NSD3: variants seen among roughly 807,000 people sequenced by gnomAD.
NSD3 encodes histone-lysine N-methyltransferase NSD3.
NSD3 carries 24 observed loss-of-function variants against 160.8 expected under a neutral mutation model. The ratio of observed to expected loss-of-function variants is 0.15; its 90% CI spans 0.11 to 0.21. NSD3 has a LOEUF of 0.21. NSD3 is among the 10% of genes least tolerant of loss of function. The probability of loss-of-function intolerance (pLI) is 1.00; values close to 1 mark genes in which losing one functional copy is unlikely to be tolerated. For synonymous variants in NSD3, 520 were observed against 600.0 expected (o/e 0.87, Z 1.95); for missense variants, 1,157 against 1,735.9 (o/e 0.67, Z 5.93).
intron 19 of NSD3, among the ~76,000 whole-genome samples, chr8:38,286,648 T>C (rs1158056474): frequency 6.6e-6 from 1 of 152,202 alleles, no homozygotes; most frequent in African/African-American, 2.4e-5. Flanking sequence ...ATCCTCCAGA[T>C]GTTCCCCATC....
At chr8:38,365,961 ATG>A (rs1355874533) in intron 1 of NSD3, among the ~76,000 whole-genome samples, 1 of 152,058 alleles carries the variant, frequency 6.6e-6, no homozygotes, top group Admixed American at 6.5e-5. Context: ...CTTAAATGTT[ATG>A]TAAACATAAC....
intron 1 of NSD3, among the ~76,000 whole-genome samples, chr8:38,356,270 C>CA (rs527806823): frequency 4.6e-5 from 7 of 151,344 alleles, no homozygotes; most frequent in Admixed American, 1.3e-4. Context: ...TTTAAATAAG[C>CA]AAAAAAAAGT....
chr8:38,294,061 G>A (rs1809073956), intron 16 of NSD3, among the ~76,000 whole-genome samples: 1 of 150,614 alleles, frequency 6.6e-6, no homozygotes, highest in Non-Finnish European at 1.5e-5. Flanking sequence ...GCCTCAAAAT[G>A]TAGAGTTTTT....
At position 38,316,618 on chromosome 8, in the gene NSD3, T is replaced by G. The variant is rs1050501219; in HGVS notation, c.1856-576A>C. 1 of 1,053,114 alleles carries G rather than the reference T, an allele frequency of 9.5e-7. No individual in the cohort carries two copies. Among genetic ancestry groups the G allele is most frequent in the African/African-American group, 1.7e-5 (1 of 60,310 alleles). The allele number at this position is 1,053,114 out of a possible 1,614,324, so 65.2% of individuals were successfully genotyped here. ...TTCCTTGGTGAAGTGGCATTTATTG[T>G]GACCATTAACAAGCGCTGCAGCACA... On this transcript the variant is annotated intron_variant, in intron 9 of 23. Coordinates refer to ENST00000317025, the MANE Select transcript of NSD3 (RefSeq NM_023034.2). The surrounding 1 kb of genome is among the most constrained non-coding windows in gnomAD (Gnocchi z 4.5).
At chr8:38,287,896 C>A (rs1015869686) in intron 19 of NSD3, among the ~76,000 whole-genome samples, 22 of 152,128 alleles carry the variant, frequency 1.4e-4, no homozygotes, top group Non-Finnish European at 2.8e-4. Flanking sequence ...TCGGCTGTGA[C>A]CACTGTGCCC....
Position 38,317,785 on chromosome 8 carries a change from T to G in NSD3, c.1855+1110A>C. 1 of 1,431,224 alleles carries G rather than the reference T, an allele frequency of 7.0e-7. No homozygotes were observed. Among genetic ancestry groups the G allele is most frequent in the Non-Finnish European group, 9.1e-7 (1 of 1,097,126 alleles). 88.7% of individuals were successfully genotyped at this position (1,431,224 alleles called of 1,614,324 possible). A position where few individuals can be genotyped will look rare whatever the true frequency, so the allele number is the denominator to read the frequency against. ...CGAAAAAAAAAAATCATTTGACTGT[T>G]AAAGCAATTGTTCAGAGTCTTGAAG... On this transcript the variant is annotated intron_variant, in intron 9 of 23. Transcript: ENST00000317025. The surrounding 1 kb of genome is among the most constrained non-coding windows in gnomAD (Gnocchi z 5.3).
chr8:38,334,072 GCAT>G (rs1345375285), intron 4 of NSD3, among the ~76,000 whole-genome samples: 1 of 152,166 alleles, frequency 6.6e-6, no homozygotes, highest in Non-Finnish European at 1.5e-5. Context: ...TGCTTAATAG[GCAT>G]CATGCGTGGA....
chr8:38,318,077 A>T lies in NSD3; in HGVS notation c.1855+818T>A. On this transcript the variant is annotated intron_variant, in intron 9 of 23. Transcript: ENST00000317025. This position sits in a 1 kb window ranked among gnomAD's most constrained non-coding sequence, Gnocchi z 5.3. The stretch of plus-strand genomic sequence containing the variant: ...GAAACACAACGCAATCAGGCCTCCT[A>T]ATCTCGCAGCGATCGCGATGTCTTT... 1 of 1,612,706 alleles carries T rather than the reference A, an allele frequency of 6.2e-7. No homozygotes were observed. Among genetic ancestry groups the T allele is most frequent in the African/African-American group, 1.3e-5 (1 of 74,984 alleles).
At chr8:38,377,381 C>G (rs1811420448) in intron 1 of NSD3, among the ~76,000 whole-genome samples, 2 of 152,062 alleles carry the variant, frequency 1.3e-5, no homozygotes, top group Admixed American at 1.3e-4. Flanking sequence ...CGGAATCTCG[C>G]TCTGTCATTC....
intron 17 of NSD3, 100 bp from the exon 18 acceptor site, chr8:38,289,605 C>A: frequency 9.3e-7 from 1 of 1,080,952 alleles, no homozygotes; most frequent in South Asian, 1.5e-5. Context: ...TGCATCTGGC[C>A]TGAGATTTTT....
intron 1 of NSD3, among the ~76,000 whole-genome samples, chr8:38,374,942 T>A (rs1002705064): frequency 3.3e-5 from 5 of 152,092 alleles, no homozygotes; most frequent in Non-Finnish European, 4.4e-5. Context: ...AGGCGGAGCT[T>A]GCAGTGAGCC....
chr8:38,311,059 T>C (rs1809523726), intron 12 of NSD3, among the ~76,000 whole-genome samples: 1 of 150,316 alleles, frequency 6.7e-6, no homozygotes, highest in African/African-American at 2.4e-5. Context: ...TGGCTTTGAT[T>C]TGCATTTCCC....
chr8:38,349,693 G>T lies in NSD3; in HGVS notation c.-44-1478C>A, dbSNP rs6999278. Among the ~76,000 whole-genome samples, 72 of 114,716 alleles carry T rather than the reference G, an allele frequency of 6.3e-4. 1 individual carries two copies. Among genetic ancestry groups the T allele is most frequent in the African/African-American group, 1.7e-3 (49 of 28,830 alleles). 75.3% of individuals were successfully genotyped at this position (114,716 alleles called of 152,430 possible). ...TATATATATATATATATATATATAT[G>T]TATTTATTATACTTTAAGTTCTAGG... is the stretch of plus-strand genomic sequence containing the variant. On this transcript the variant is annotated intron_variant, in intron 1 of 23. Transcript: ENST00000317025.
chr8:38,312,799 C>G (rs1348128613), intron 12 of NSD3, among the ~76,000 whole-genome samples: 2 of 152,206 alleles, frequency 1.3e-5, no homozygotes, highest in African/African-American at 2.4e-5. Flanking sequence ...TCTATACAGC[C>G]TGCAGAATTG....
At chr8:38,323,821 C>CAAA (rs397891214) in intron 7 of NSD3, among the ~76,000 whole-genome samples, 2 of 72,228 alleles carry the variant, frequency 2.8e-5, no homozygotes, top group African/African-American at 5.3e-5. Flanking sequence ...GACCCTGTCT[C>CAAA]AAAAAAAAAA....
intron 1 of NSD3, among the ~76,000 whole-genome samples, chr8:38,371,709 G>A (rs1233391836): frequency 2.0e-5 from 3 of 152,084 alleles, no homozygotes; most frequent in African/African-American, 7.2e-5. Context: ...ATCTTGCAGA[G>A]ATCATACAAA....
rs1384215455 is a variant in NSD3 at position 38,270,918 on chromosome 8, A to G, written c.*4723T>C. On this transcript the variant is annotated 3_prime_UTR_variant, in exon 24 of 24. Coordinates refer to ENST00000317025, the MANE Select transcript of NSD3 (RefSeq NM_023034.2). ...CTTATGCAATGGACTGACCAAAACAAAACAAAAAACAGAAATGTTTTTTGA... is the reference window on the plus strand; with the variant it reads ...CTTATGCAATGGACTGACCAAAACAGAACAAAAAACAGAAATGTTTTTTGA... The G allele has an allele frequency of 2.0e-5, 3 of 152,234 alleles. No individual in the cohort carries two copies. The highest frequency in any genetic ancestry group is 4.4e-5 in the Non-Finnish European group (3 of 68,036). 9.4% of individuals were successfully genotyped at this position (152,234 alleles called of 1,614,324 possible).
chr8:38,304,776 A>G lies in NSD3; in HGVS notation c.2441-19T>C. The stretch of plus-strand genomic sequence containing the variant: ...ATGCGGCCTGTTTAAAGACAAGTCA[A>G]AAAGGAATCTAATAAGGCATCAGCG... On this transcript the variant is annotated intron_variant, in intron 13 of 23. Coordinates refer to ENST00000317025, the MANE Select transcript of NSD3 (RefSeq NM_023034.2). 6.3e-7 allele frequency: 1 copy of G among 1,582,612 alleles called. No homozygotes were observed. The highest frequency in any genetic ancestry group is 8.6e-7 in the Non-Finnish European group (1 of 1,167,942).
intron 14 of NSD3, among the ~76,000 whole-genome samples, 198 bp downstream of exon 14, chr8:38,304,389 T>C (rs914350628): frequency 6.6e-6 from 1 of 152,364 alleles, no homozygotes; most frequent in East Asian, 1.9e-4. Flanking sequence ...ATTAGTATTC[T>C]AACACTTTGG....
Sources: gnomAD v4.1 joint callset for allele counts (sites outside exome capture counted in the v4.1 genomes callset) on GRCh38, gnomAD v4.1.1 for gene constraint, Gnocchi (gnomAD v3.1) non-coding constraint, MANE v1.5 for transcripts, NCBI Gene and HGNC (gene_info 2026-07-23, HGNC 2026-07-21) for gene names.